Variants in ENPP6 observed in about 807,000 individuals in gnomAD.
ENPP6 encodes glycerophosphocholine cholinephosphodiesterase ENPP6.
ENPP6 carries 32 observed loss-of-function variants against 42.0 expected under a neutral mutation model. The observed-to-expected ratio is 0.76, with a 90% CI of 0.58 to 1.02. The LOEUF is 1.02. ENPP6 is among the 50% of genes least tolerant of loss of function. The pLI, the probability that ENPP6 is intolerant of heterozygous loss-of-function variation, is 0.00. For synonymous variants in ENPP6, 213 were observed against 216.0 expected (o/e 0.99, Z 0.12); for missense variants, 552 against 566.8 (o/e 0.97, Z 0.27).
At chr4:184,162,961 T>C (rs1056562194) in intron 1 of ENPP6, among the ~76,000 whole-genome samples, 3 of 152,020 alleles carry the variant, frequency 2.0e-5, no homozygotes, top group Non-Finnish European at 2.9e-5. Flanking sequence ...GAGTGGTGAA[T>C]AGCAAGTGGA....
intron 1 of ENPP6, among the ~76,000 whole-genome samples, chr4:184,203,815 T>C (rs1259150412): frequency 2.0e-5 from 3 of 152,124 alleles, no homozygotes; most frequent in African/African-American, 7.2e-5. Context: ...CACCAGAAAC[T>C]CTCAGTGAGT....
chr4:184,201,361 T>G (rs1732901183), intron 1 of ENPP6, among the ~76,000 whole-genome samples: 1 of 152,052 alleles, frequency 6.6e-6, no homozygotes, highest in Non-Finnish European at 1.5e-5. Flanking sequence ...CCCCAAAGCC[T>G]TGGCAGGAGG....
intron 2 of ENPP6, among the ~76,000 whole-genome samples, chr4:184,141,682 C>T (rs1736825607): frequency 6.6e-6 from 1 of 152,118 alleles, no homozygotes; most frequent in Middle Eastern, 3.2e-3. Context: ...CAGTCTTCTA[C>T]ATCCTGATTG....
intron 6 of ENPP6, among the ~76,000 whole-genome samples, chr4:184,108,323 C>A (rs975848642): frequency 6.6e-6 from 1 of 152,174 alleles, no homozygotes; most frequent in Non-Finnish European, 1.5e-5. Context: ...CTAAGCCAGC[C>A]CTGAAACGTC....
At chr4:184,143,731 G>A (rs1041445329) in intron 2 of ENPP6, among the ~76,000 whole-genome samples, 2 of 152,236 alleles carry the variant, frequency 1.3e-5, no homozygotes, top group Non-Finnish European at 2.9e-5. Flanking sequence ...AGAGGGGGAG[G>A]GAAGAGCAGA....
At chr4:184,131,181 C>CTTTCTTTCTTTCTTTG (rs1736610271) in intron 2 of ENPP6, among the ~76,000 whole-genome samples, 1 of 60,472 alleles carries the variant, frequency 1.7e-5, no homozygotes, top group African/African-American at 7.7e-5. Flanking sequence ...TTCTTTCTTT[C>CTTTCTTTCTTTCTTTG]TTTCTTTCTT....
At chr4:184,216,494 G>C (rs150574552) in intron 1 of ENPP6, 1 of 152,110 alleles carries the variant, frequency 6.6e-6, no homozygotes, top group Non-Finnish European at 1.5e-5. Flanking sequence ...ATAAATGTCT[G>C]TTTTAGACTC....
At chr4:184,153,967 G>A (rs867564491) in intron 1 of ENPP6, among the ~76,000 whole-genome samples, 3 of 152,112 alleles carry the variant, frequency 2.0e-5, no homozygotes, top group Non-Finnish European at 4.4e-5. Context: ...TTAGAGTGAC[G>A]TCACCCTGTC....
chr4:184,174,781 G>A (rs1319362709), intron 1 of ENPP6, among the ~76,000 whole-genome samples: 3 of 129,106 alleles, frequency 2.3e-5, no homozygotes, highest in Admixed American at 8.2e-5. Context: ...AGCAAAGTGT[G>A]TAAATATACA....
intron 2 of ENPP6, among the ~76,000 whole-genome samples, chr4:184,144,268 C>A (rs1317837301): frequency 1.3e-5 from 2 of 152,226 alleles, no homozygotes; most frequent in African/African-American, 4.8e-5. Flanking sequence ...TGCCAGGACT[C>A]CTCCCTCCAA....
Position 184,113,917 on chromosome 4 carries a change from T to TTC in ENPP6, c.856-1110_856-1109dup, listed in dbSNP as rs1252001740. ...TTCTTTCTTTTCTTTCTTTCTTTCT[T>TTC]TCTTTCTTTCTTTCTTTCTTTCTTT... On this transcript the variant is annotated intron_variant, in intron 5 of 7. Coordinates refer to ENST00000296741, the MANE Select transcript of ENPP6 (RefSeq NM_153343.4). Among the ~76,000 whole-genome samples the TTC allele has an allele frequency of 1.8e-4, 24 of 135,882 alleles. No homozygotes were observed. The Admixed American group carries it at 1.8e-3, about 10-fold the overall frequency. 89.1% of individuals were successfully genotyped at this position (135,882 alleles called of 152,430 possible).
chr4:184,214,838 G>C (rs118171505), intron 1 of ENPP6, among the ~76,000 whole-genome samples: 5 of 152,106 alleles, frequency 3.3e-5, no homozygotes, highest in Admixed American at 1.3e-4. Context: ...TTGGAGGATC[G>C]GGGGCACAGG....
intron 1 of ENPP6, among the ~76,000 whole-genome samples, chr4:184,201,641 T>A (rs1445466927): frequency 1.3e-5 from 2 of 152,152 alleles, no homozygotes; most frequent in Admixed American, 6.5e-5. Context: ...GAAACATACT[T>A]TTTGAAAAGT....
rs749623911 is a variant in ENPP6 at position 184,217,630 on chromosome 4, TC to T, written c.189del (p.Thr64LeufsTer15). The T allele has an allele frequency of 6.2e-7, 1 of 1,613,936 alleles. No homozygotes were observed. Among genetic ancestry groups the T allele is most frequent in the East Asian group, 2.2e-5 (1 of 44,874 alleles). Reference protein sequence around the residue: ...IVSRGVKVDYLTPDFPSLSYP... With the variant: ...IVSRGVKVDYXTPDFPSLSYP... ...TACGAGAGACTAGGGAAGTCTGGAG[TC>T]AAGTAATCCACTTTTACTCCCCTGC... On this transcript the variant is annotated frameshift_variant, in exon 1 of 8. Coordinates refer to ENST00000296741, the MANE Select transcript of ENPP6 (RefSeq NM_153343.4). LOFTEE classifies it high-confidence loss of function.
intron 1 of ENPP6, among the ~76,000 whole-genome samples, chr4:184,178,614 G>C (rs1732490664): frequency 6.6e-6 from 1 of 152,104 alleles, no homozygotes; most frequent in Admixed American, 6.6e-5. Context: ...AAGTGTTAAG[G>C]GCAGCTAGAG....
At chr4:184,126,551 C>T (rs1020811383) in intron 2 of ENPP6, among the ~76,000 whole-genome samples, 3 of 152,208 alleles carry the variant, frequency 2.0e-5, no homozygotes, top group African/African-American at 4.8e-5. Flanking sequence ...ACAAACTCTT[C>T]ACTGAGTGCA....
chr4:184,189,128 G>A (rs1732680180), intron 1 of ENPP6, among the ~76,000 whole-genome samples: 1 of 152,142 alleles, frequency 6.6e-6, no homozygotes, highest in African/African-American at 2.4e-5. Context: ...GATTGGAGTT[G>A]ATATAATAAA....
At chr4:184,092,256 C>G (rs1735817750) in intron 7 of ENPP6, among the ~76,000 whole-genome samples, 1 of 151,558 alleles carries the variant, frequency 6.6e-6, no homozygotes, top group African/African-American at 2.4e-5. Context: ...AGCTCAGCAG[C>G]CATGGCGATG....
At position 184,131,259 on chromosome 4, in the gene ENPP6, T is replaced by TTTCTTTC. The variant is rs1553996065; in HGVS notation, c.422-6988_422-6987insGAAAGAA. ...CCTTTTCTTTCTTTCTTTCTCTTTC[T>TTTCTTTC]CTTCCTTCCTTCCTTCCTTCCTTCC... On this transcript the variant is annotated intron_variant, in intron 2 of 7. Coordinates refer to ENST00000296741, the MANE Select transcript of ENPP6 (RefSeq NM_153343.4). 2.3e-4 allele frequency among the ~76,000 whole-genome samples: 17 copies of TTTCTTTC among 73,346 alleles called. No homozygotes were observed. In the East Asian group the frequency reaches 5.5e-3, roughly 24 times the overall value. 48.1% of individuals were successfully genotyped at this position (73,346 alleles called of 152,430 possible). A position where few individuals can be genotyped will look rare whatever the true frequency, so the allele number is the denominator to read the frequency against.
Sources: gnomAD v4.1 joint callset for allele counts (sites outside exome capture counted in the v4.1 genomes callset) on GRCh38, gnomAD v4.1.1 for gene constraint, MANE v1.5 for transcripts, NCBI Gene and HGNC (gene_info 2026-07-23, HGNC 2026-07-21) for gene names.